The following NKAIN2 variants were observed in gnomAD, a reference collection of about 807,000 sequenced individuals.
NKAIN2 encodes the protein sodium/potassium transporting ATPase interacting 2.
Under a neutral mutation model 32.6 loss-of-function variants are expected in NKAIN2, and 14 were observed. The ratio of observed to expected loss-of-function variants is 0.43; its 90% CI spans 0.28 to 0.67. The LOEUF (loss-of-function observed/expected upper bound fraction) is 0.67, where lower values mean the gene tolerates loss of function less well. Ranked by LOEUF, NKAIN2 falls within the 30% of genes least tolerant of loss-of-function variation. The probability of loss-of-function intolerance (pLI) is 0.17; values close to 1 mark genes in which losing one functional copy is unlikely to be tolerated. For synonymous variants in NKAIN2, 80 were observed against 87.2 expected (o/e 0.92, Z 0.46); for missense variants, 198 against 258.3 (o/e 0.77, Z 1.60).
At chr6:124,307,431 G>A (rs949882529) in intron 2 of NKAIN2, among the ~76,000 whole-genome samples, 6 of 152,164 alleles carry the variant, frequency 3.9e-5, no homozygotes, top group African/African-American at 1.4e-4. Flanking sequence ...GGAGTGGTAG[G>A]TAGGTGAATG....
chr6:123,881,282 A>C (rs1217280936), intron 1 of NKAIN2, among the ~76,000 whole-genome samples: 3 of 152,174 alleles, frequency 2.0e-5, no homozygotes, highest in Admixed American at 2.0e-4. Flanking sequence ...TCGGCCTCCC[A>C]AAGTGCTGGG....
At chr6:124,692,350 C>T (rs1356373581) in intron 4 of NKAIN2, among the ~76,000 whole-genome samples, 1 of 152,102 alleles carries the variant, frequency 6.6e-6, no homozygotes, top group Non-Finnish European at 1.5e-5. Context: ...AAAGTATTCT[C>T]ATAAAAACAC....
At chr6:124,706,584 A>G (rs2114585556) in intron 4 of NKAIN2, among the ~76,000 whole-genome samples, 1 of 152,296 alleles carries the variant, frequency 6.6e-6, no homozygotes, top group East Asian at 1.9e-4. Flanking sequence ...ATAAACTGAG[A>G]AGTTCCAAAC....
rs540919142 is a variant in NKAIN2 at position 124,133,653 on chromosome 6, G to T, written c.55-149352G>T. On this transcript the variant is annotated intron_variant, in intron 1 of 6. Transcript: ENST00000368417. ...CAAGAGAACAAGATAAGCTTCTAGAGATCCCCATCATTACAACTCCATAGG... is the reference window on the plus strand; with the variant it reads ...CAAGAGAACAAGATAAGCTTCTAGATATCCCCATCATTACAACTCCATAGG... 2.0e-5 allele frequency among the ~76,000 whole-genome samples: 3 copies of T among 152,112 alleles called. No homozygotes were observed. In the South Asian group the frequency reaches 6.2e-4, roughly 32 times the overall value.
chr6:124,442,316 C>G (rs1388649218), intron 3 of NKAIN2, among the ~76,000 whole-genome samples: 1 of 151,912 alleles, frequency 6.6e-6, no homozygotes, highest in Non-Finnish European at 1.5e-5. Context: ...CACCTCCCCA[C>G]TAAATTTTCC....
chr6:124,643,885 T>A (rs1416111080), intron 3 of NKAIN2, among the ~76,000 whole-genome samples: 1 of 152,246 alleles, frequency 6.6e-6, no homozygotes, highest in African/African-American at 2.4e-5. Context: ...TAGCCCCCAT[T>A]ACTTACTATC....
intron 1 of NKAIN2, among the ~76,000 whole-genome samples, chr6:124,043,609 A>G (rs1284154227): frequency 6.6e-6 from 1 of 152,102 alleles, no homozygotes; most frequent in Non-Finnish European, 1.5e-5. Context: ...AATACTTCTT[A>G]AAACAGAACT....
At chr6:124,768,952 C>T (rs772062715) in intron 4 of NKAIN2, among the ~76,000 whole-genome samples, 1 of 152,104 alleles carries the variant, frequency 6.6e-6, no homozygotes, top group Non-Finnish European at 1.5e-5. Context: ...ATTCATTCAC[C>T]CCTCAGAAAA....
chr6:124,509,639 G>T (rs998446318), intron 3 of NKAIN2, among the ~76,000 whole-genome samples: 1 of 152,180 alleles, frequency 6.6e-6, no homozygotes, highest in Non-Finnish European at 1.5e-5. Flanking sequence ...TACCCACCCA[G>T]TAATTTGTGA....
At chr6:123,817,874 G>C (rs1248248803) in intron 1 of NKAIN2, among the ~76,000 whole-genome samples, 1 of 152,134 alleles carries the variant, frequency 6.6e-6, no homozygotes, top group East Asian at 1.9e-4. Flanking sequence ...TGGGAGTATT[G>C]ACTGGAGAGG....
At chr6:124,302,687 C>A (rs374332107) in intron 2 of NKAIN2, among the ~76,000 whole-genome samples, 1 of 151,718 alleles carries the variant, frequency 6.6e-6, no homozygotes, top group East Asian at 1.9e-4. Flanking sequence ...AAAAGGTATG[C>A]AATATATAAA....
chr6:124,439,044 A>G (rs1775580516), intron 3 of NKAIN2, among the ~76,000 whole-genome samples: 1 of 152,136 alleles, frequency 6.6e-6, no homozygotes, highest in South Asian at 2.1e-4. Flanking sequence ...ACTGTATCTC[A>G]GGCATACACT....
At chr6:124,248,793 T>C (rs971291132) in intron 1 of NKAIN2, among the ~76,000 whole-genome samples, 2 of 152,266 alleles carry the variant, frequency 1.3e-5, no homozygotes, top group South Asian at 2.1e-4. Flanking sequence ...TACAGGCTTA[T>C]GATCTAAATC....
In NKAIN2 at chr6:124,234,609, T is replaced by C. The variant is rs541668155; in HGVS notation, c.55-48396T>C. Among the ~76,000 whole-genome samples the C allele has an allele frequency of 3.9e-4, 59 of 152,322 alleles. 1 individual carries two copies. The South Asian group carries it at 0.012, about 32-fold the overall frequency. ...CTATATAGGATTTAATGCTTGTCTC[T>C]GTATGTACTGATAAAATATTATCCA... On this transcript the variant is annotated intron_variant, in intron 1 of 6. Transcript: ENST00000368417.
chr6:123,983,617 T>C (rs1056564137), intron 1 of NKAIN2, among the ~76,000 whole-genome samples: 6 of 152,170 alleles, frequency 3.9e-5, no homozygotes, highest in African/African-American at 9.7e-5. Context: ...CTAAGGATTG[T>C]CTAATACCCA....
At chr6:124,165,369 A>G (rs1788479947) in intron 1 of NKAIN2, among the ~76,000 whole-genome samples, 1 of 152,054 alleles carries the variant, frequency 6.6e-6, no homozygotes. Flanking sequence ...AACTTCTACT[A>G]GTGAGAAAAT....
At chr6:123,880,592 G>A (rs1459118453) in intron 1 of NKAIN2, among the ~76,000 whole-genome samples, 2 of 152,186 alleles carry the variant, frequency 1.3e-5, no homozygotes, top group African/African-American at 2.4e-5. Context: ...GAAAATAATA[G>A]TTTGGGCCTT....
intron 4 of NKAIN2, among the ~76,000 whole-genome samples, chr6:124,682,791 CT>C (rs146289589): frequency 3.9e-5 from 6 of 151,968 alleles, no homozygotes; most frequent in Non-Finnish European, 7.4e-5. Flanking sequence ...AAAACAACGT[CT>C]TTTTTTTATT....
intron 3 of NKAIN2, among the ~76,000 whole-genome samples, chr6:124,639,767 G>A (rs1181388605): frequency 6.6e-6 from 1 of 152,096 alleles, no homozygotes; most frequent in Non-Finnish European, 1.5e-5. Flanking sequence ...TCGTATGTGC[G>A]AGCTGAACAA....
Sources: gnomAD v4.1 joint callset for allele counts (sites outside exome capture counted in the v4.1 genomes callset) on GRCh38, gnomAD v4.1.1 for gene constraint, MANE v1.5 for transcripts, NCBI Gene and HGNC (gene_info 2026-07-23, HGNC 2026-07-21) for gene names.